The following ZCCHC17 variants were observed in gnomAD, a reference collection of about 807,000 sequenced individuals.
The protein encoded by ZCCHC17 is zinc finger CCHC-type containing 17.
In ZCCHC17, 18 loss-of-function variants were observed where a neutral mutation model predicts 30.6. The observed-to-expected ratio is 0.59, with a 90% CI of 0.41 to 0.87. The LOEUF is 0.87. Among genes scored for constraint, ZCCHC17 ranks in the 40% least tolerant of loss-of-function variants. The pLI is 0.00. For synonymous variants in ZCCHC17, 88 were observed against 92.4 expected, an observed-to-expected ratio of 0.95 and a Z score of 0.27; for missense variants, 263 against 284.2, an observed-to-expected ratio of 0.93 and a Z score of 0.54.
intron 3 of ZCCHC17, among the ~76,000 whole-genome samples, chr1:31,334,813 ATAATTGACC>A (rs1638749658): frequency 6.6e-6 from 1 of 152,242 alleles, no homozygotes; most frequent in Admixed American, 6.5e-5. Context: ...CGACTATACC[ATAATTGACC>A]TAATTGTTAT....
chr1:31,323,533 G>A (rs974958899), intron 3 of ZCCHC17, among the ~76,000 whole-genome samples: 2 of 152,074 alleles, frequency 1.3e-5, no homozygotes, highest in African/African-American at 2.4e-5. Context: ...GTGTTAGCCA[G>A]GATGGTCTCG....
chr1:31,307,078 C>G (rs1646479756), intron 1 of ZCCHC17, among the ~76,000 whole-genome samples: 1 of 152,080 alleles, frequency 6.6e-6, no homozygotes, highest in Non-Finnish European at 1.5e-5. Flanking sequence ...CCTTGTGATC[C>G]ACCCGCCTTG....
At chr1:31,344,182 C>A (rs574456749) in intron 5 of ZCCHC17, among the ~76,000 whole-genome samples, 23 of 151,660 alleles carry the variant, frequency 1.5e-4, no homozygotes, top group African/African-American at 5.3e-4. Flanking sequence ...GTAGAGATGA[C>A]GTCTTGCTGT....
At chr1:31,308,623 T>C (rs949887362) in intron 1 of ZCCHC17, among the ~76,000 whole-genome samples, 9 of 152,338 alleles carry the variant, frequency 5.9e-5, no homozygotes, top group African/African-American at 1.4e-4. Flanking sequence ...TGGCAGTGAT[T>C]TATCCAACAG....
At chr1:31,313,685 G>A (rs967582257) in intron 2 of ZCCHC17, among the ~76,000 whole-genome samples, 8 of 152,092 alleles carry the variant, frequency 5.3e-5, no homozygotes, top group Admixed American at 1.3e-4. Flanking sequence ...AGGTACCGGA[G>A]CTCAGAAGAA....
intron 4 of ZCCHC17, 38 bp from the exon 5 acceptor site, chr1:31,338,919 A>G: frequency 7.0e-7 from 1 of 1,423,940 alleles, no homozygotes; most frequent in South Asian, 1.2e-5. Flanking sequence ...TAAATGATGT[A>G]TTTAAAGTTT....
At chr1:31,315,260 A>G (rs183872929) in intron 2 of ZCCHC17, among the ~76,000 whole-genome samples, 69 of 152,272 alleles carry the variant, frequency 4.5e-4, no homozygotes, top group African/African-American at 1.6e-3. Context: ...TACATAGTAG[A>G]TAGGTGCTTA....
chr1:31,363,056 TG>T (rs2148489398), intron 7 of ZCCHC17, among the ~76,000 whole-genome samples: 1 of 152,330 alleles, frequency 6.6e-6, no homozygotes, highest in South Asian at 2.1e-4. Flanking sequence ...TAAATACACA[TG>T]TATATGTTAT....
rs1169474019 is a variant in ZCCHC17 at position 31,361,763 on chromosome 1, G to A, written c.565-2269G>A. On this transcript the variant is annotated intron_variant, in intron 7 of 7. Coordinates refer to ENST00000344147, the MANE Select transcript of ZCCHC17 (RefSeq NM_016505.4). ...ATCTCATTAACTTGTCACCATAGGT[G>A]TTTTTTTTGGGGAGAGGGGGAGATT... is the stretch of plus-strand genomic sequence containing the variant. Among the ~76,000 whole-genome samples, 4 of 151,400 alleles carry A rather than the reference G, an allele frequency of 2.6e-5. No homozygotes were observed. In the East Asian group the frequency reaches 7.7e-4, roughly 29 times the overall value.
intron 3 of ZCCHC17, among the ~76,000 whole-genome samples, chr1:31,332,240 C>T (rs771435740): frequency 2.6e-5 from 4 of 152,172 alleles, no homozygotes; most frequent in Admixed American, 6.5e-5. Flanking sequence ...AAGACTCCTG[C>T]ACTTATATCT....
At chr1:31,354,990 C>T (rs1016578835) in intron 7 of ZCCHC17, among the ~76,000 whole-genome samples, 9 of 152,096 alleles carry the variant, frequency 5.9e-5, no homozygotes, top group African/African-American at 1.4e-4. Flanking sequence ...GCCTGGCCAA[C>T]GTGGCAAAAC....
At chr1:31,314,689 C>A (rs1646688318) in intron 2 of ZCCHC17, among the ~76,000 whole-genome samples, 1 of 152,082 alleles carries the variant, frequency 6.6e-6, no homozygotes, top group Non-Finnish European at 1.5e-5. Context: ...TGTGGAGGAA[C>A]CAAAAGACCC....
chr1:31,334,641 G>A (rs537598052), intron 3 of ZCCHC17, among the ~76,000 whole-genome samples: 1 of 152,098 alleles, frequency 6.6e-6, no homozygotes, highest in East Asian at 1.9e-4. Context: ...TGTTTTTAAA[G>A]CATTTGTAAT....
chr1:31,358,603 A>T (rs1023556803), intron 7 of ZCCHC17, among the ~76,000 whole-genome samples: 1 of 152,152 alleles, frequency 6.6e-6, no homozygotes, highest in Non-Finnish European at 1.5e-5. Flanking sequence ...GATTTGAGTT[A>T]AGAGAAGGAA....
intron 7 of ZCCHC17, 24 bp from the exon 8 acceptor site, chr1:31,364,008 T>G (rs998212054): frequency 1.9e-6 from 3 of 1,607,376 alleles, no homozygotes; most frequent in Non-Finnish European, 2.5e-6. Flanking sequence ...CATACAGTGT[T>G]GATTTTTAAA....
chr1:31,323,136 T>A (rs1646899338), intron 3 of ZCCHC17, among the ~76,000 whole-genome samples: 1 of 152,178 alleles, frequency 6.6e-6, no homozygotes, highest in Non-Finnish European at 1.5e-5. Flanking sequence ...AAAAGACACT[T>A]CTATCACTCA....
At position 31,364,090 on chromosome 1, in the gene ZCCHC17, C is replaced by G; in HGVS notation, c.623C>G (p.Ser208Cys). ...TCATCTGACTCTGACAGCTCAGACTCTGAGAGTGATACAGGCAAGAGGGCA... is the reference window on the plus strand; with the variant it reads ...TCATCTGACTCTGACAGCTCAGACTGTGAGAGTGATACAGGCAAGAGGGCA... Reference protein sequence around the residue: ...RKSSDSDSSDSESDTGKRARH... With the variant: ...RKSSDSDSSDCESDTGKRARH... The change falls in exon 8 of 8, where the codon TCT (serine) becomes TGT (cysteine). Residue 208 changes from serine (S) to cysteine (C), a missense_variant. By Grantham distance (112) the Ser-to-Cys change is moderately radical. Transcript: ENST00000344147. The G allele has an allele frequency of 1.2e-6, 2 of 1,613,746 alleles. No individual in the cohort carries two copies. Among genetic ancestry groups the G allele is most frequent in the Non-Finnish European group, 1.7e-6 (2 of 1,179,844 alleles).
At chr1:31,357,182 T>C (rs1569931288) in intron 7 of ZCCHC17, among the ~76,000 whole-genome samples, 1 of 152,224 alleles carries the variant, frequency 6.6e-6, no homozygotes, top group South Asian at 2.1e-4. Context: ...AATAGGAATG[T>C]CATTCTTTGG....
At position 31,322,290 on chromosome 1, in the gene ZCCHC17, C is replaced by T. The variant is rs182034298; in HGVS notation, c.124+3124C>T. On this transcript the variant is annotated intron_variant, in intron 3 of 7. Transcript: ENST00000344147. ...AAGGGCTCAGTCCCACATGACTACCCTCACTTCAGATGCCAGCCCCAATAT... is the reference window on the plus strand; with the variant it reads ...AAGGGCTCAGTCCCACATGACTACCTTCACTTCAGATGCCAGCCCCAATAT... Among the ~76,000 whole-genome samples the T allele has an allele frequency of 7.6e-3, 1,154 of 152,322 alleles. 12 individuals are homozygous for T. Among genetic ancestry groups the T allele is most frequent in the African/African-American group, 0.026 (1,080 of 41,564 alleles).
Sources: allele counts gnomAD v4.1 joint callset (sites outside exome capture counted in the v4.1 genomes callset), GRCh38; gene constraint gnomAD v4.1.1; transcripts MANE v1.5; gene names NCBI Gene and HGNC (gene_info 2026-07-23, HGNC 2026-07-21).